The following NELFA variants were observed in gnomAD, a reference collection of about 807,000 sequenced individuals.
NELFA encodes negative elongation factor complex member A, also known as negative elongation factor A.
Under a neutral mutation model 51.8 loss-of-function variants are expected in NELFA, and 35 were observed. That is an observed-to-expected ratio of 0.68 (90% CI 0.52 to 0.90). The LOEUF is 0.90. Among genes scored for constraint, NELFA ranks in the 40% least tolerant of loss-of-function variants. The probability of loss-of-function intolerance (pLI) is 0.00; values close to 1 mark genes in which losing one functional copy is unlikely to be tolerated. For missense variants in NELFA, 658 were observed against 746.4 expected (o/e 0.88, Z 1.38); for synonymous variants, 417 against 338.4 (o/e 1.23, Z -2.55).
intron 1 of NELFA, among the ~76,000 whole-genome samples, chr4:2,004,669 A>G (rs1255448065): frequency 1.3e-5 from 2 of 148,586 alleles, no homozygotes; most frequent in African/African-American, 5.0e-5. Context: ...TATATTTTTT[A>G]TGGAGACAGG....
At chr4:1,984,206 C>A in intron 8 of NELFA, 93 bp from the exon 9 acceptor site, 3 of 1,367,662 alleles carry the variant, frequency 2.2e-6, no homozygotes, top group Non-Finnish European at 2.9e-6. Flanking sequence ...AGCTCCCCTT[C>A]TCTGTCCTGC....
At position 1,989,008 on chromosome 4, in the gene NELFA, C is replaced by A. The variant is rs1044751168; in HGVS notation, c.544+700G>T. On this transcript the variant is annotated intron_variant, in intron 3 of 10. Coordinates refer to ENST00000382882, the MANE Select transcript of NELFA (RefSeq NM_005663.5). The surrounding 1 kb of genome is among the most constrained non-coding windows in gnomAD (Gnocchi z 4.8). The stretch of plus-strand genomic sequence containing the variant: ...TTGCCCAGGCTGGAGTGCAGTGGGG[C>A]AATCTTGGCTCACTGCAACCTCCGC... 3.5e-5 allele frequency among the ~76,000 whole-genome samples: 5 copies of A among 143,508 alleles called. No homozygotes were observed. The highest frequency in any genetic ancestry group is 2.9e-4 in the Admixed American group (4 of 13,784). The allele number at this position is 143,508 out of a possible 152,430, so 94.1% of individuals were successfully genotyped here.
At chr4:2,005,190 A>C (rs1049718204) in intron 1 of NELFA, among the ~76,000 whole-genome samples, 3 of 152,154 alleles carry the variant, frequency 2.0e-5, no homozygotes, top group Admixed American at 2.0e-4. Flanking sequence ...TAACTAGATA[A>C]AGGGTATTTA....
At chr4:1,998,765 G>T (rs1728496840) in intron 1 of NELFA, among the ~76,000 whole-genome samples, 1 of 152,140 alleles carries the variant, frequency 6.6e-6, no homozygotes, top group South Asian at 2.1e-4. Flanking sequence ...CCTAGAGACA[G>T]GCCAACATGC....
chr4:2,001,975 C>T (rs1482462969), intron 1 of NELFA, among the ~76,000 whole-genome samples: 9 of 150,060 alleles, frequency 6.0e-5, no homozygotes, highest in African/African-American at 1.7e-4. Flanking sequence ...CCGAGGCGGA[C>T]GGATCATGAG....
intron 1 of NELFA, among the ~76,000 whole-genome samples, chr4:2,005,030 G>A (rs1392321062): frequency 6.8e-6 from 1 of 147,268 alleles, no homozygotes; most frequent in African/African-American, 2.5e-5. Flanking sequence ...GGATGGTCTC[G>A]ATCTCCTGGC....
chr4:2,004,729 C>A (rs906936909), intron 1 of NELFA, among the ~76,000 whole-genome samples: 1 of 150,068 alleles, frequency 6.7e-6, no homozygotes, highest in South Asian at 2.1e-4. Flanking sequence ...TTCAAGCAAT[C>A]CGCCCATCTT....
intron 4 of NELFA, 81 bp from the exon 5 acceptor site, chr4:1,986,483 C>A: frequency 1.2e-6 from 2 of 1,600,282 alleles, no homozygotes; most frequent in Non-Finnish European, 1.7e-6. Context: ...GTCCCACCCT[C>A]TTCTAGGCTA....
chr4:1,990,293 C>A, intron 2 of NELFA: 1 of 421,016 alleles, frequency 2.4e-6, no homozygotes, highest in South Asian at 1.7e-5. Flanking sequence ...CTCCTGGAAC[C>A]CTGGCCCTCA....
intron 1 of NELFA, among the ~76,000 whole-genome samples, chr4:1,996,713 C>T (rs1438614508): frequency 2.0e-5 from 3 of 152,224 alleles, no homozygotes; most frequent in African/African-American, 2.4e-5. Flanking sequence ...ATGTGGATCA[C>T]TTGAGGTCAG....
rs564539623 is a variant in NELFA at position 2,003,003 on chromosome 4, C to T, written c.210+5747G>A. 2.3e-3 allele frequency among the ~76,000 whole-genome samples: 355 copies of T among 152,276 alleles called. 1 individual carries two copies. The highest frequency in any genetic ancestry group is 8.4e-3 in the African/African-American group (348 of 41,548). On this transcript the variant is annotated intron_variant, in intron 1 of 10. Transcript: ENST00000382882. Reference sequence around the variant, plus strand: ...TACTCATCTGACAAAGGGCTAATATCCAGCATTTACAAGGAACTTAAACAT... The same window carrying T: ...TACTCATCTGACAAAGGGCTAATATTCAGCATTTACAAGGAACTTAAACAT...
At chr4:1,988,473 G>A (rs1405870074) in intron 3 of NELFA, among the ~76,000 whole-genome samples, 1 of 152,244 alleles carries the variant, frequency 6.6e-6, no homozygotes, top group Non-Finnish European at 1.5e-5. Context: ...CAGACCCTGT[G>A]GCCACTGCTG....
intron 1 of NELFA, among the ~76,000 whole-genome samples, chr4:1,993,879 C>CA: frequency 6.7e-6 from 1 of 150,344 alleles, no homozygotes; most frequent in Non-Finnish European, 1.5e-5. Flanking sequence ...CGGCTCACTG[C>CA]AACCTCCGCC....
rs769381266 is a variant in NELFA, at chr4:2,008,831, G to A, written c.129C>T (p.Leu43=). The A allele has an allele frequency of 3.1e-6, 5 of 1,610,250 alleles. No individual in the cohort carries two copies. The South Asian group carries it at 3.3e-5, about 11-fold the overall frequency. ...CTGCCGACGAGAGGCCATGGAAGCA[G>A]AGACGGATGTTGTCGATGACCGCGG... is the stretch of plus-strand genomic sequence containing the variant. ...LTAAVIDNIR[L]CFHGLSSAVK... Residue 43 remains leucine, a synonymous_variant, in exon 1 of 11, where the codon CTC becomes CTT. Coordinates refer to ENST00000382882, the MANE Select transcript of NELFA (RefSeq NM_005663.5).
chr4:1,988,188 AACTC>A (rs1485784940), intron 3 of NELFA, among the ~76,000 whole-genome samples, 181 bp from the exon 4 acceptor site: 2 of 152,200 alleles, frequency 1.3e-5, no homozygotes, highest in African/African-American at 4.8e-5. Flanking sequence ...ACGAGTCAGA[AACTC>A]ACTCAGGTGA....
At chr4:1,992,467 A>G in intron 1 of NELFA, 1 of 436,178 alleles carries the variant, frequency 2.3e-6, no homozygotes, top group Non-Finnish European at 4.6e-6. Context: ...CCCACGAGGA[A>G]ACGCAGAGAG....
At position 1,983,924 on chromosome 4, in the gene NELFA, G is replaced by A. The variant is rs1727991820; in HGVS notation, c.1226C>T (p.Thr409Ile). ...CGGGGCCACCATGGCAACCGGGGGT[G>A]TCTGAGTGGTAGGGGCGACAGCCGG... ...TPPAVAPTTQ[T>I]PPVAMVAPQT... is the part of the protein sequence containing the mutation. The change falls in exon 9 of 11, where the codon ACA becomes ATA. Residue 409 changes from threonine to isoleucine, a missense_variant. Coordinates refer to ENST00000382882, the MANE Select transcript of NELFA (RefSeq NM_005663.5). 6 of 1,609,186 alleles carry A rather than the reference G, an allele frequency of 3.7e-6. No individual in the cohort carries two copies. The highest frequency in any genetic ancestry group is 5.1e-6 in the Non-Finnish European group (6 of 1,177,944).
At chr4:2,002,079 A>T (rs1223070261) in intron 1 of NELFA, among the ~76,000 whole-genome samples, 1 of 151,816 alleles carries the variant, frequency 6.6e-6, no homozygotes, top group South Asian at 2.1e-4. Context: ...GGGCGCCTGT[A>T]GTCCCAGCTA....
At chr4:1,993,539 T>C (rs1266370512) in intron 1 of NELFA, among the ~76,000 whole-genome samples, 2 of 147,170 alleles carry the variant, frequency 1.4e-5, no homozygotes, top group Admixed American at 6.9e-5. Flanking sequence ...GATCGCACCA[T>C]TGCACTCCAA....
Sources: allele counts gnomAD v4.1 joint callset (sites outside exome capture counted in the v4.1 genomes callset), GRCh38; gene constraint gnomAD v4.1.1; non-coding constraint Gnocchi (gnomAD v3.1); transcripts MANE v1.5; gene names NCBI Gene and HGNC (gene_info 2026-07-23, HGNC 2026-07-21).